PLRG1: variants seen among roughly 807,000 people sequenced by gnomAD.
PLRG1 encodes the protein pleiotropic regulator 1.
Under a neutral mutation model 74.9 loss-of-function variants are expected in PLRG1, and 28 were observed. The ratio of observed to expected loss-of-function variants is 0.37; its 90% confidence interval spans 0.28 to 0.51. The LOEUF (loss-of-function observed/expected upper bound fraction) is 0.51. Among genes scored for constraint, PLRG1 ranks in the 20% least tolerant of loss-of-function variants. The probability of loss-of-function intolerance (pLI) is 0.91; values close to 1 mark genes in which losing one functional copy is unlikely to be tolerated. For missense variants in PLRG1, 445 were observed against 631.9 expected (o/e 0.70, Z 3.17); for synonymous variants, 197 against 212.4 (o/e 0.93, Z 0.63).
intron 4 of PLRG1, chr4:154,546,588 T>A (rs1729660235): frequency 3.4e-6 from 1 of 292,072 alleles, no homozygotes; most frequent in African/African-American, 2.2e-5. Flanking sequence ...TCCCTGTACT[T>A]TCTTTACATA....
intron 11 of PLRG1, 86 bp from the exon 12 acceptor site, chr4:154,539,299 A>G (rs1213780930): frequency 1.2e-6 from 1 of 846,588 alleles, no homozygotes; most frequent in East Asian, 2.4e-5. Context: ...ATTCTTCCAA[A>G]ACACATATGT....
chr4:154,541,233 C>T (rs1729550926), intron 8 of PLRG1, among the ~76,000 whole-genome samples: 1 of 152,004 alleles, frequency 6.6e-6, no homozygotes, highest in Non-Finnish European at 1.5e-5. Context: ...AGGCTGGCAA[C>T]AACTTAAAGA....
At chr4:154,546,921 T>C (rs1729666516) in intron 4 of PLRG1, 90 bp downstream of exon 4, 1 of 982,734 alleles carries the variant, frequency 1.0e-6, no homozygotes. Context: ...ATCTTGCATT[T>C]TATAGGCAAC....
rs1729454472 is a variant in PLRG1, at chr4:154,536,553, G to GA, written c.*131dup. Reference sequence around the variant, plus strand: ...TTATTGTAAAATATGAAGCAGCAATGATTGAAGCAAGTGAATTTCTCCTTT... The same window carrying GA: ...TTATTGTAAAATATGAAGCAGCAATGAATTGAAGCAAGTGAATTTCTCCTTT... On this transcript the variant is annotated 3_prime_UTR_variant, in exon 15 of 15. Coordinates refer to ENST00000499023, the MANE Select transcript of PLRG1 (RefSeq NM_002669.4). The GA allele has an allele frequency of 1.5e-6, 1 of 645,468 alleles. No individual in the cohort carries two copies. Among genetic ancestry groups the GA allele is most frequent in the Non-Finnish European group, 2.8e-6 (1 of 362,792 alleles). The allele number at this position is 645,468 out of a possible 1,614,324, so 40.0% of individuals were successfully genotyped here. A position where few individuals can be genotyped will look rare whatever the true frequency, so the allele number is the denominator to read the frequency against.
At chr4:154,549,495 G>A (rs1010234591) in intron 1 of PLRG1, among the ~76,000 whole-genome samples, 8 of 152,168 alleles carry the variant, frequency 5.3e-5, no homozygotes, top group African/African-American at 1.9e-4. Flanking sequence ...AATAATACAA[G>A]GAGCGCAGTA....
In PLRG1 at chr4:154,542,180, T is replaced by C. The variant is rs1458240807; in HGVS notation, c.687+7A>G. ...GTCATGTTTATTTTTTCTTCCTTCA[T>C]TATTACCTTTATAGTTCTGTCAGCA... On this transcript the variant is annotated splice_region_variant and intron_variant, in intron 8 of 14. Coordinates refer to ENST00000499023, the MANE Select transcript of PLRG1 (RefSeq NM_002669.4). The C allele has an allele frequency of 1.3e-6, 2 of 1,513,544 alleles. No individual in the cohort carries two copies. Among genetic ancestry groups the C allele is most frequent in the East Asian group, 2.3e-5 (1 of 44,362 alleles). The allele number at this position is 1,513,544 out of a possible 1,614,324, so 93.8% of individuals were successfully genotyped here.
In PLRG1 at chr4:154,550,309, G is replaced by A; in HGVS notation, c.-1C>T. On this transcript the variant is annotated 5_prime_UTR_variant, in exon 1 of 15. Coordinates refer to ENST00000499023, the MANE Select transcript of PLRG1 (RefSeq NM_002669.4). ...CCCAGTGTCACTTTACCTCGACCAT[G>A]ATGCTACCGTGTATCCCACCTCCGG... is the stretch of plus-strand genomic sequence containing the variant. 1 of 1,613,440 alleles carries A rather than the reference G, an allele frequency of 6.2e-7. No homozygotes were observed. The highest frequency in any genetic ancestry group is 8.5e-7 in the Non-Finnish European group (1 of 1,179,318).
chr4:154,547,180 A>G, intron 3 of PLRG1, 116 bp from the exon 4 acceptor site: 1 of 786,184 alleles, frequency 1.3e-6, no homozygotes, highest in South Asian at 1.5e-5. Flanking sequence ...AATTTTCTCA[A>G]CTAAAGTCAA....
chr4:154,546,197 T>C lies in PLRG1; in HGVS notation c.330A>G (p.Ala110=), dbSNP rs1419807768. 1.2e-6 allele frequency: 2 copies of C among 1,602,324 alleles called. No homozygotes were observed. The highest frequency in any genetic ancestry group is 1.7e-6 in the Non-Finnish European group (2 of 1,169,418). Residue 110 remains alanine (A), a synonymous_variant, in exon 5 of 15, where the codon GCA becomes GCG. Coordinates refer to ENST00000499023, the MANE Select transcript of PLRG1 (RefSeq NM_002669.4). The part of the protein sequence containing the change: ...YPPGPGVALT[A]DTKIQRMPSE... ...TTGGCATTCTCTGGATCTTAGTATC[T>C]GCTGTCAAAGCAACCCCTATTAAAA...
In PLRG1 at chr4:154,547,709, A is replaced by G. The variant is rs1729683634; in HGVS notation, c.259+2T>C. On this transcript the variant is annotated splice_donor_variant, in intron 3 of 14. Transcript: ENST00000499023. LOFTEE classifies it high-confidence loss of function. ...TGACATTTCTGATAATACCATACTCACCTTGATTGGCAGGGTACTGTTTAT... is the reference window on the plus strand; with the variant it reads ...TGACATTTCTGATAATACCATACTCGCCTTGATTGGCAGGGTACTGTTTAT... The G allele has an allele frequency of 6.2e-7, 1 of 1,609,624 alleles. No homozygotes were observed.
At chr4:154,538,949 T>C (rs1295694580) in intron 12 of PLRG1, 156 bp downstream of exon 12, 4 of 567,528 alleles carry the variant, frequency 7.0e-6, no homozygotes, top group African/African-American at 1.9e-5. Flanking sequence ...AAATAGTGCA[T>C]GAGGAAAATA....
Position 154,547,792 on chromosome 4 carries a change from T to A in PLRG1, c.178A>T (p.Thr60Ser). ...NEYGPVLHMP[T>S]SKENLKEKGP... is the part of the protein sequence containing the mutation. ...TTCTCTTTAAGATTTTCTTTTGAAG[T>A]AGGCATATGCAACACAGGACCATAC... is the stretch of plus-strand genomic sequence containing the variant. The change falls in exon 3 of 15, where the codon ACT (threonine) becomes TCT (serine). Residue 60 changes from threonine (T) to serine (S), a missense_variant. By Grantham distance (58) the Thr-to-Ser change is moderately conservative. Around this residue, in one of 3 missense-constraint regions of PLRG1, gnomAD observed 206 missense variants for 210.8 expected, o/e 0.98. Transcript: ENST00000499023. 6.2e-7 allele frequency: 1 copy of A among 1,612,376 alleles called. No individual in the cohort carries two copies. The highest frequency in any genetic ancestry group is 8.5e-7 in the Non-Finnish European group (1 of 1,178,478).
chr4:154,536,651 GAAAAA>G lies in PLRG1; in HGVS notation c.*29_*33del. On this transcript the variant is annotated 3_prime_UTR_variant, in exon 15 of 15. Transcript: ENST00000499023. ...AAGCTTTTTTTTTTTTAATTAAAAA[GAAAAA>G]AAAAGAGAGAGAAAAAATTCCACAT... 1.9e-6 allele frequency: 2 copies of G among 1,055,654 alleles called. No individual in the cohort carries two copies. 65.4% of individuals were successfully genotyped at this position (1,055,654 alleles called of 1,614,324 possible). A position where few individuals can be genotyped will look rare whatever the true frequency, so the allele number is the denominator to read the frequency against.
At chr4:154,538,495 A>G (rs571718403) in intron 12 of PLRG1, among the ~76,000 whole-genome samples, 1 of 151,970 alleles carries the variant, frequency 6.6e-6, no homozygotes, top group South Asian at 2.1e-4. Context: ...CAAGAGGAAG[A>G]GAGAGAACAG....
chr4:154,541,745 T>G (rs1052578203), intron 8 of PLRG1, among the ~76,000 whole-genome samples: 1 of 152,168 alleles, frequency 6.6e-6, no homozygotes, highest in East Asian at 1.9e-4. Flanking sequence ...AATGATTTTT[T>G]AAAAGATACA....
chr4:154,545,296 T>C (rs1057085133), intron 6 of PLRG1, among the ~76,000 whole-genome samples: 3 of 152,222 alleles, frequency 2.0e-5, no homozygotes, highest in African/African-American at 7.2e-5. Context: ...CCAGCACTTA[T>C]TTCAAGTGGC....
intron 1 of PLRG1, 85 bp from the exon 2 acceptor site, chr4:154,549,020 G>A: frequency 1.3e-6 from 1 of 798,490 alleles, no homozygotes. Context: ...CACTTCACGT[G>A]TTTAAATATG....
At chr4:154,546,887 C>T in intron 4 of PLRG1, 124 bp downstream of exon 4, 1 of 759,736 alleles carries the variant, frequency 1.3e-6, no homozygotes. Flanking sequence ...CAAAGCTATG[C>T]ATGGATGCTT....
At chr4:154,541,503 C>T (rs1471261757) in intron 8 of PLRG1, among the ~76,000 whole-genome samples, 1 of 152,030 alleles carries the variant, frequency 6.6e-6, no homozygotes, top group African/African-American at 2.4e-5. Flanking sequence ...TCTACCATAA[C>T]AAAATAATTT....
Sources: gnomAD v4.1 joint callset for allele counts (sites outside exome capture counted in the v4.1 genomes callset) on GRCh38, gnomAD v4.1.1 for gene constraint, gnomAD v4.1.1 regional missense constraint, MANE v1.5 for transcripts, NCBI Gene and HGNC (gene_info 2026-07-23, HGNC 2026-07-21) for gene names.